The following DNER variants were observed in gnomAD, a reference collection of about 807,000 sequenced individuals.
DNER encodes delta/notch like EGF repeat containing, also known as delta and Notch-like epidermal growth factor-related receptor.
A neutral mutation model predicts 78.2 loss-of-function variants in DNER; 33 were observed. The ratio of observed to expected loss-of-function variants is 0.42; its 90% CI spans 0.32 to 0.56. DNER has a LOEUF of 0.56. DNER is among the 20% of genes least tolerant of loss of function. The probability of loss-of-function intolerance (pLI) is 0.11; values close to 1 mark genes in which losing one functional copy is unlikely to be tolerated. For missense variants in DNER, 918 were observed against 975.3 expected (o/e 0.94, Z 0.78); for synonymous variants, 417 against 384.8 (o/e 1.08, Z -0.98).
chr2:229,489,814 G>A (rs185661048), intron 6 of DNER, among the ~76,000 whole-genome samples: 1 of 152,152 alleles, frequency 6.6e-6, no homozygotes, highest in African/African-American at 2.4e-5. Flanking sequence ...ATCAACTTCA[G>A]CAGGATAAGG....
At chr2:229,695,408 G>A (rs1167324107) in intron 1 of DNER, among the ~76,000 whole-genome samples, 1 of 150,980 alleles carries the variant, frequency 6.6e-6, no homozygotes, top group African/African-American at 2.5e-5. Flanking sequence ...ATGTCCATAA[G>A]AATATATTTA....
intron 6 of DNER, among the ~76,000 whole-genome samples, chr2:229,497,950 T>C (rs973735760): frequency 4.0e-5 from 6 of 151,232 alleles, no homozygotes. Context: ...AGCGTTACCC[T>C]GATACCAAAG....
At chr2:229,537,755 T>A (rs4355098) in intron 5 of DNER, among the ~76,000 whole-genome samples, 20,096 of 151,748 alleles carry the variant, frequency 0.13, 1,405 homozygotes, top group Non-Finnish European at 0.15. Flanking sequence ...TTTTTTCTTT[T>A]TTATTATTAT....
Position 229,496,811 on chromosome 2 carries a change from T to C in DNER, c.1147+15972A>G, listed in dbSNP as rs1695512708. ...AGAGCCCCTACATACATAAGGCAAA[T>C]ATTAATATATCTGAAGGAAGAGTTA... On this transcript the variant is annotated intron_variant, in intron 6 of 12. Transcript: ENST00000341772. Among the ~76,000 whole-genome samples, 3 of 152,210 alleles carry C rather than the reference T, an allele frequency of 2.0e-5. No homozygotes were observed. In the South Asian group the frequency reaches 6.2e-4, roughly 32 times the overall value.
At chr2:229,455,587 C>G (rs575128503) in intron 7 of DNER, among the ~76,000 whole-genome samples, 3 of 152,170 alleles carry the variant, frequency 2.0e-5, no homozygotes, top group African/African-American at 7.2e-5. Context: ...TGCTCACATA[C>G]TGCTCTCTAA....
intron 7 of DNER, among the ~76,000 whole-genome samples, chr2:229,470,107 A>G (rs1472584350): frequency 6.6e-6 from 1 of 152,254 alleles, no homozygotes; most frequent in South Asian, 2.1e-4. Context: ...TTCAAGACCT[A>G]TGCCTGAAGT....
chr2:229,406,788 C>T (rs923562974), intron 10 of DNER, among the ~76,000 whole-genome samples: 2 of 151,110 alleles, frequency 1.3e-5, no homozygotes, highest in African/African-American at 4.9e-5. Flanking sequence ...TCCTGCCCCG[C>T]CAATCTCGCC....
intron 4 of DNER, among the ~76,000 whole-genome samples, chr2:229,582,870 A>G (rs947692392): frequency 1.3e-5 from 2 of 151,874 alleles, no homozygotes. Context: ...CAATCTCCTG[A>G]CCGCGTGATC....
intron 12 of DNER, among the ~76,000 whole-genome samples, chr2:229,363,049 C>T (rs1692251479): frequency 6.6e-6 from 1 of 152,216 alleles, no homozygotes; most frequent in African/African-American, 2.4e-5. Flanking sequence ...GAGCAGTCAA[C>T]TGAGTGGGAC....
chr2:229,544,657 C>T (rs1456529936), intron 5 of DNER, among the ~76,000 whole-genome samples: 2 of 151,866 alleles, frequency 1.3e-5, no homozygotes, highest in East Asian at 3.9e-4. Context: ...CTCAGCCTCC[C>T]GAGTAGCTGG....
At chr2:229,654,344 G>A (rs1484303550) in intron 1 of DNER, among the ~76,000 whole-genome samples, 1 of 152,178 alleles carries the variant, frequency 6.6e-6, no homozygotes, top group Non-Finnish European at 1.5e-5. Flanking sequence ...AAAGACACAT[G>A]CACAGGTATG....
At chr2:229,629,374 G>A (rs1365971291) in intron 1 of DNER, among the ~76,000 whole-genome samples, 2 of 152,162 alleles carry the variant, frequency 1.3e-5, no homozygotes, top group Non-Finnish European at 2.9e-5. Context: ...ACTTATATAG[G>A]TCTCTTTACA....
chr2:229,372,467 G>T (rs562953824), intron 11 of DNER, among the ~76,000 whole-genome samples: 9 of 152,302 alleles, frequency 5.9e-5, no homozygotes, highest in African/African-American at 2.2e-4. Context: ...GTGGGAGGGG[G>T]GTGAGGGAGA....
chr2:229,405,942 TA>T, intron 10 of DNER, among the ~76,000 whole-genome samples: 1 of 152,224 alleles, frequency 6.6e-6, no homozygotes, highest in East Asian at 1.9e-4. Context: ...CTGGTGAGTA[TA>T]AATGTCTGCG....
chr2:229,685,053 T>C lies in DNER; in HGVS notation c.276+29095A>G, dbSNP rs531676268. ...GAATTATTATAATCATTCTCAGGCA[T>C]GTTTTTATCTTTGTTGATTTTTTTC... On this transcript the variant is annotated intron_variant, in intron 1 of 12. Transcript: ENST00000341772. Among the ~76,000 whole-genome samples, 4 of 152,320 alleles carry C rather than the reference T, an allele frequency of 2.6e-5. No individual in the cohort carries two copies. The South Asian group carries it at 8.3e-4, about 32-fold the overall frequency.
chr2:229,592,039 TG>T, intron 1 of DNER, 151 bp from the exon 2 acceptor site: 1 of 1,079,974 alleles, frequency 9.3e-7, no homozygotes, highest in Non-Finnish European at 1.3e-6. Context: ...TGTTGTGGGG[TG>T]GGGTGTACAC....
chr2:229,491,336 C>T (rs1185101716), intron 6 of DNER, among the ~76,000 whole-genome samples: 3 of 152,194 alleles, frequency 2.0e-5, no homozygotes, highest in Non-Finnish European at 4.4e-5. Context: ...GATGCCCTCA[C>T]ATGGCAGAAA....
At chr2:229,461,745 T>C (rs1449162682) in intron 7 of DNER, among the ~76,000 whole-genome samples, 1 of 152,050 alleles carries the variant, frequency 6.6e-6, no homozygotes, top group African/African-American at 2.4e-5. Context: ...AATGAAAAAC[T>C]ATTTGGTGAT....
intron 1 of DNER, among the ~76,000 whole-genome samples, chr2:229,650,323 T>C (rs1055768093): frequency 1.3e-5 from 2 of 152,180 alleles, no homozygotes; most frequent in Admixed American, 6.5e-5. Flanking sequence ...GCCCAGGTTT[T>C]GAAGGCATAT....
Sources: allele counts gnomAD v4.1 joint callset (sites outside exome capture counted in the v4.1 genomes callset), GRCh38; gene constraint gnomAD v4.1.1; transcripts MANE v1.5; gene names NCBI Gene and HGNC (gene_info 2026-07-23, HGNC 2026-07-21).